ADHFE1: variants seen among roughly 807,000 people sequenced by gnomAD.
The protein encoded by ADHFE1 is hydroxyacid-oxoacid transhydrogenase, mitochondrial.
In ADHFE1, 37 loss-of-function variants were observed where a neutral mutation model predicts 54.8. The ratio of observed to expected loss-of-function variants is 0.68; its 90% CI spans 0.52 to 0.89. ADHFE1 has a LOEUF of 0.89. ADHFE1 is among the 40% of genes least tolerant of loss of function. The pLI is 0.00. For synonymous variants in ADHFE1, 203 were observed against 229.3 expected, an observed-to-expected ratio of 0.89 and a Z score of 1.04; for missense variants, 601 against 591.2, an observed-to-expected ratio of 1.02 and a Z score of -0.17.
At chr8:66,440,357 T>C (rs1027583380) in intron 2 of ADHFE1, among the ~76,000 whole-genome samples, 158 bp downstream of exon 2, 5 of 152,276 alleles carry the variant, frequency 3.3e-5, no homozygotes, top group African/African-American at 1.2e-4. Flanking sequence ...CACGTAACTC[T>C]ATACAAAGTT....
At chr8:66,466,696 A>G (rs1381089047) in intron 13 of ADHFE1, among the ~76,000 whole-genome samples, 2 of 152,232 alleles carry the variant, frequency 1.3e-5, no homozygotes, top group Admixed American at 6.5e-5. Flanking sequence ...ATCATTTCAG[A>G]TAATGATTAG....
chr8:66,468,589 G>T lies in ADHFE1; in HGVS notation c.*237G>T. The T allele has an allele frequency of 3.8e-6, 1 of 262,724 alleles. No individual in the cohort carries two copies. The highest frequency in any genetic ancestry group is 8.0e-5 in the South Asian group (1 of 12,520). 16.3% of individuals were successfully genotyped at this position (262,724 alleles called of 1,614,324 possible). On this transcript the variant is annotated 3_prime_UTR_variant, in exon 14 of 14. Transcript: ENST00000396623. Reference sequence around the variant, plus strand: ...CCCAGGCTCGACTTCAGGGGTCAGTGTTCCTGTCCCAAACCCCACACAGAA... The same window carrying T: ...CCCAGGCTCGACTTCAGGGGTCAGTTTTCCTGTCCCAAACCCCACACAGAA...
chr8:66,439,546 C>A lies in ADHFE1; in HGVS notation c.60-616C>A, dbSNP rs1805637581. 6.1e-6 allele frequency: 6 copies of A among 985,590 alleles called. No individual in the cohort carries two copies. The highest frequency in any genetic ancestry group is 6.0e-6 in the Non-Finnish European group (5 of 830,138). The allele number at this position is 985,590 out of a possible 1,614,324, so 61.1% of individuals were successfully genotyped here. A position where few individuals can be genotyped will look rare whatever the true frequency, so the allele number is the denominator to read the frequency against. ...GCGACCTCGGAGCGCACCGGGTGTG[C>A]GCGCAGCTGGGGCCTCTGGGGAGCG... On this transcript the variant is annotated intron_variant, in intron 1 of 13. Transcript: ENST00000396623. This position sits in a 1 kb window ranked among gnomAD's most constrained non-coding sequence, Gnocchi z 4.4.
chr8:66,444,878 A>G (rs972171833), intron 5 of ADHFE1, 130 bp downstream of exon 5: 1 of 1,141,098 alleles, frequency 8.8e-7, no homozygotes, highest in Admixed American at 2.2e-5. Context: ...AGGCAGGCAG[A>G]TTGCTTGAGG....
chr8:66,456,457 A>C (rs1299847430), intron 10 of ADHFE1, among the ~76,000 whole-genome samples: 1 of 152,226 alleles, frequency 6.6e-6, no homozygotes. Context: ...ACTGCCAGGG[A>C]AAAACAGAAA....
chr8:66,446,030 AT>A lies in ADHFE1; in HGVS notation c.550+619del, dbSNP rs58734509. 8.1e-3 allele frequency among the ~76,000 whole-genome samples: 1,226 copies of A among 152,258 alleles called. 12 individuals carry two copies. Among genetic ancestry groups the A allele is most frequent in the African/African-American group, 0.028 (1,169 of 41,530 alleles). On this transcript the variant is annotated intron_variant, in intron 6 of 13. Coordinates refer to ENST00000396623, the MANE Select transcript of ADHFE1 (RefSeq NM_144650.3). The stretch of plus-strand genomic sequence containing the variant: ...TTTTTATGGATGCTAGCATATTACT[AT>A]TTAAAGTTTTATAGCTAACATGCAC...
intron 1 of ADHFE1, among the ~76,000 whole-genome samples, chr8:66,438,635 C>A (rs531460442): frequency 6.6e-6 from 1 of 152,028 alleles, no homozygotes; most frequent in East Asian, 1.9e-4. Flanking sequence ...AGAAACGAAG[C>A]CAGCAAATGT....
At chr8:66,441,984 AG>A (rs1237249416) in intron 2 of ADHFE1, among the ~76,000 whole-genome samples, 1 of 152,056 alleles carries the variant, frequency 6.6e-6, no homozygotes, top group African/African-American at 2.4e-5. Flanking sequence ...AAAAAAAAAA[AG>A]GTTTATTAAA....
intron 6 of ADHFE1, 137 bp downstream of exon 6, chr8:66,445,551 G>A: frequency 1.2e-6 from 1 of 813,560 alleles, no homozygotes. Context: ...GCCTTGTTTG[G>A]AGAACAATCA....
chr8:66,443,527 C>T (rs1001467628), intron 3 of ADHFE1, among the ~76,000 whole-genome samples: 2 of 152,130 alleles, frequency 1.3e-5, no homozygotes, highest in Non-Finnish European at 2.9e-5. Context: ...ATCTGACCAC[C>T]TCGGCCTCCC....
chr8:66,436,101 A>G (rs1311864355), intron 1 of ADHFE1, among the ~76,000 whole-genome samples: 1 of 151,790 alleles, frequency 6.6e-6, no homozygotes, highest in East Asian at 1.9e-4. Flanking sequence ...TTTTTAGTAG[A>G]GATGGGGTTT....
intron 1 of ADHFE1, among the ~76,000 whole-genome samples, chr8:66,434,413 CA>C (rs1187123939): frequency 6.2e-5 from 9 of 145,394 alleles, no homozygotes; most frequent in Non-Finnish European, 1.4e-4. Flanking sequence ...GAAGCCCTAA[CA>C]AAACTCTAAC....
At position 66,462,132 on chromosome 8, in the gene ADHFE1, C is replaced by G. The variant is rs1435554065; in HGVS notation, c.1320+1667C>G. Among the ~76,000 whole-genome samples, 3 of 152,218 alleles carry G rather than the reference C, an allele frequency of 2.0e-5. No individual in the cohort carries two copies. In the East Asian group the frequency reaches 5.8e-4, roughly 29 times the overall value. ...AACACATACCTCCATTCCTCTCCTC[C>G]TAAGTCCTCTGTCTAGGTAAGCTTT... On this transcript the variant is annotated intron_variant, in intron 13 of 13. Transcript: ENST00000396623.
At chr8:66,459,701 T>TAGAGGA (rs1388014765) in intron 12 of ADHFE1, 1 of 152,168 alleles carries the variant, frequency 6.6e-6, no homozygotes, top group Non-Finnish European at 1.5e-5. Context: ...AATATTTATT[T>TAGAGGA]AGAGGAACCT....
chr8:66,440,234 T>C (rs1327419634), intron 2 of ADHFE1, 35 bp downstream of exon 2: 1 of 1,601,612 alleles, frequency 6.2e-7, no homozygotes, highest in Non-Finnish European at 8.5e-7. Flanking sequence ...AGCCACAATT[T>C]TGGTTTCTGC....
At chr8:66,464,753 A>G (rs1807079956) in intron 13 of ADHFE1, among the ~76,000 whole-genome samples, 1 of 152,230 alleles carries the variant, frequency 6.6e-6, no homozygotes, top group Non-Finnish European at 1.5e-5. Flanking sequence ...TAAGTGTACA[A>G]TGCCATGCCA....
chr8:66,467,228 CTGA>C (rs904913377), intron 13 of ADHFE1, among the ~76,000 whole-genome samples: 20 of 152,134 alleles, frequency 1.3e-4, no homozygotes, highest in African/African-American at 4.6e-4. Flanking sequence ...GACACTCCTG[CTGA>C]TGAGTTGAAC....
chr8:66,436,557 G>C (rs1805476774), intron 1 of ADHFE1, among the ~76,000 whole-genome samples: 1 of 152,148 alleles, frequency 6.6e-6, no homozygotes. Context: ...GAGCAGGCTT[G>C]AGAGAACACC....
intron 13 of ADHFE1, among the ~76,000 whole-genome samples, chr8:66,465,311 C>A (rs1215922821): frequency 6.6e-6 from 1 of 152,180 alleles, no homozygotes; most frequent in Non-Finnish European, 1.5e-5. Flanking sequence ...TCTATAGTGG[C>A]TGCACCATTT....
Sources: gnomAD v4.1 joint callset for allele counts (sites outside exome capture counted in the v4.1 genomes callset) on GRCh38, gnomAD v4.1.1 for gene constraint, Gnocchi (gnomAD v3.1) non-coding constraint, MANE v1.5 for transcripts, NCBI Gene and HGNC (gene_info 2026-07-23, HGNC 2026-07-21) for gene names.